Variants in PDZRN3 observed in about 807,000 individuals in gnomAD.
The protein encoded by PDZRN3 is E3 ubiquitin-protein ligase PDZRN3.
PDZRN3 carries 38 observed loss-of-function variants against 85.7 expected under a neutral mutation model. The ratio of observed to expected loss-of-function variants is 0.44; its 90% CI spans 0.34 to 0.58. PDZRN3 has a LOEUF of 0.58. PDZRN3 is among the 20% of genes least tolerant of loss of function. The probability of loss-of-function intolerance (pLI) is 0.01; values close to 1 mark genes in which losing one functional copy is unlikely to be tolerated. For missense variants in PDZRN3, 1,629 were observed against 1,506.4 expected, an observed-to-expected ratio of 1.08 and a Z score of -1.35; for synonymous variants, 759 against 638.0, an observed-to-expected ratio of 1.19 and a Z score of -2.86.
chr3:73,598,219 A>G (rs1193002809), intron 3 of PDZRN3, among the ~76,000 whole-genome samples: 2 of 152,206 alleles, frequency 1.3e-5, no homozygotes, highest in African/African-American at 4.8e-5. Flanking sequence ...TTGAAAGAAT[A>G]TGAGCATAGT....
intron 3 of PDZRN3, among the ~76,000 whole-genome samples, chr3:73,599,983 T>G (rs1304971445): frequency 6.6e-6 from 1 of 152,242 alleles, no homozygotes; most frequent in Non-Finnish European, 1.5e-5. Context: ...TGTGTATGTA[T>G]GCATATAAAT....
intron 3 of PDZRN3, among the ~76,000 whole-genome samples, chr3:73,596,665 G>A (rs1702434644): frequency 6.6e-6 from 1 of 152,178 alleles, no homozygotes; most frequent in Non-Finnish European, 1.5e-5. Context: ...GAAATTAAGG[G>A]ACAGTCCAGA....
intron 3 of PDZRN3, among the ~76,000 whole-genome samples, chr3:73,501,102 A>G (rs1394406624): frequency 1.3e-5 from 2 of 152,192 alleles, no homozygotes; most frequent in Non-Finnish European, 2.9e-5. Context: ...AACTCTTTGC[A>G]CAGCTTATCA....
intron 9 of PDZRN3, among the ~76,000 whole-genome samples, chr3:73,385,144 CA>C (rs1429676165): frequency 6.6e-6 from 1 of 152,188 alleles, no homozygotes; most frequent in Non-Finnish European, 1.5e-5. Flanking sequence ...TTCTTGTCCT[CA>C]GTTTTGTAAA....
intron 3 of PDZRN3, among the ~76,000 whole-genome samples, chr3:73,418,074 A>G (rs914748363): frequency 6.6e-6 from 1 of 152,252 alleles, no homozygotes; most frequent in Admixed American, 6.5e-5. Flanking sequence ...AATAATAATG[A>G]CATCCTAAGA....
chr3:73,455,771 A>G (rs1184804029), intron 3 of PDZRN3, among the ~76,000 whole-genome samples: 1 of 152,224 alleles, frequency 6.6e-6, no homozygotes, highest in African/African-American at 2.4e-5. Context: ...GGTTTTTCAA[A>G]TACAGACTTG....
intron 3 of PDZRN3, among the ~76,000 whole-genome samples, chr3:73,421,955 C>A (rs1575641856): frequency 6.6e-6 from 1 of 152,290 alleles, no homozygotes; most frequent in East Asian, 1.9e-4. Context: ...TCAAGTACTT[C>A]CATTTTACAG....
rs1430039275 is a variant in PDZRN3, at chr3:73,384,469, G to A, written c.2097C>T (p.Cys699=). ...TCTTGTGGGCGCGCACGATGCTCAG[G>A]CACTCCAGCTCGATGCTGCGCAGCT... ...NEELRSIELE[C]LSIVRAHKMQ... The change falls in exon 10 of 10, where the codon TGC becomes TGT. Residue 699 remains cysteine (C), a synonymous_variant. Coordinates refer to ENST00000263666, the MANE Select transcript of PDZRN3 (RefSeq NM_015009.3). 6.2e-7 allele frequency: 1 copy of A among 1,613,054 alleles called. No individual in the cohort carries two copies. Among genetic ancestry groups the A allele is most frequent in the Admixed American group, 1.7e-5 (1 of 60,030 alleles).
intron 3 of PDZRN3, among the ~76,000 whole-genome samples, chr3:73,440,534 C>A (rs1351685205): frequency 6.6e-6 from 1 of 152,190 alleles, no homozygotes; most frequent in Admixed American, 6.5e-5. Flanking sequence ...CCGTGAGACA[C>A]CTTGACTCCT....
intron 3 of PDZRN3, among the ~76,000 whole-genome samples, chr3:73,488,459 C>A (rs1447490057): frequency 6.6e-6 from 1 of 152,194 alleles, no homozygotes; most frequent in Non-Finnish European, 1.5e-5. Flanking sequence ...TCTGCACAGG[C>A]TGTCCCTGCT....
intron 3 of PDZRN3, chr3:73,561,765 C>A (rs543502695): frequency 6.6e-6 from 1 of 152,162 alleles, no homozygotes; most frequent in East Asian, 1.9e-4. Context: ...TTCTGAGGCA[C>A]GTGTTTGGGC....
rs1702946423 is a variant in PDZRN3 at position 73,624,867 on chromosome 3, G to GC, written c.-43dup. 7.1e-6 allele frequency: 9 copies of GC among 1,264,274 alleles called. No individual in the cohort carries two copies. The East Asian group carries it at 2.9e-4, about 40-fold the overall frequency. 78.3% of individuals were successfully genotyped at this position (1,264,274 alleles called of 1,614,324 possible). A position where few individuals can be genotyped will look rare whatever the true frequency, so the allele number is the denominator to read the frequency against. On this transcript the variant is annotated 5_prime_UTR_variant, in exon 1 of 10. Coordinates refer to ENST00000263666, the MANE Select transcript of PDZRN3 (RefSeq NM_015009.3). ...CGGGGTCGCCGCCGGGCGGCCGGGC[G>GC]CCCCCTCCCTCCCCACGAGGCGGCC...
chr3:73,494,594 T>C (rs1703832560), intron 3 of PDZRN3, among the ~76,000 whole-genome samples: 1 of 152,216 alleles, frequency 6.6e-6, no homozygotes, highest in Admixed American at 6.5e-5. Flanking sequence ...CAAAAATAAG[T>C]TTCACCGCAA....
intron 3 of PDZRN3, among the ~76,000 whole-genome samples, chr3:73,434,957 T>C (rs1702503270): frequency 6.6e-6 from 1 of 152,246 alleles, no homozygotes; most frequent in Non-Finnish European, 1.5e-5. Flanking sequence ...AATGCACAGG[T>C]ACCTTTTTCT....
chr3:73,442,888 A>C (rs1042326780), intron 3 of PDZRN3, among the ~76,000 whole-genome samples: 1 of 152,132 alleles, frequency 6.6e-6, no homozygotes, highest in Non-Finnish European at 1.5e-5. Flanking sequence ...TAAGGTGCCT[A>C]GGTCCCTGTG....
Position 73,383,788 on chromosome 3 carries a change from G to T in PDZRN3, c.2778C>A (p.Arg926=). The change falls in exon 10 of 10, where the codon CGC becomes CGA. Residue 926 remains arginine, a synonymous_variant. Transcript: ENST00000263666. Reference sequence around the variant, plus strand: ...TGGTGATGTAGCGCGTCCCGTCGCTGCGGATCTTCACCTTCCACTCCATGC... The same window carrying T: ...TGGTGATGTAGCGCGTCCCGTCGCTTCGGATCTTCACCTTCCACTCCATGC... ...EPRMEWKVKI[R]SDGTRYITKR... is the part of the protein sequence containing the mutation. 6.2e-7 allele frequency: 1 copy of T among 1,613,526 alleles called. No individual in the cohort carries two copies. The highest frequency in any genetic ancestry group is 1.3e-5 in the African/African-American group (1 of 75,056).
At chr3:73,569,713 A>G (rs1468580554) in intron 3 of PDZRN3, among the ~76,000 whole-genome samples, 8 of 152,136 alleles carry the variant, frequency 5.3e-5, no homozygotes, top group Non-Finnish European at 1.2e-4. Context: ...GCACTCACTG[A>G]GCCTACCCCT....
intron 3 of PDZRN3, among the ~76,000 whole-genome samples, chr3:73,429,096 C>T (rs547380609): frequency 8.6e-5 from 13 of 151,904 alleles, no homozygotes; most frequent in Non-Finnish European, 1.9e-4. Context: ...TCTTTTGTAG[C>T]GATGGGATCT....
chr3:73,397,987 G>A (rs1701674299), intron 5 of PDZRN3, among the ~76,000 whole-genome samples: 1 of 152,156 alleles, frequency 6.6e-6, no homozygotes, highest in South Asian at 2.1e-4. Context: ...AGGCAGAGTG[G>A]TGACTTCGTG....
Sources: gnomAD v4.1 joint callset for allele counts (sites outside exome capture counted in the v4.1 genomes callset) on GRCh38, gnomAD v4.1.1 for gene constraint, MANE v1.5 for transcripts, NCBI Gene and HGNC (gene_info 2026-07-23, HGNC 2026-07-21) for gene names.